FOXP1: variants seen among roughly 807,000 people sequenced by gnomAD.
FOXP1 encodes forkhead box P1.
In FOXP1, 15 loss-of-function variants were observed where a neutral mutation model predicts 98.2. That is an observed-to-expected ratio of 0.15 (90% CI 0.10 to 0.24). FOXP1 has a LOEUF of 0.24. Ranked by LOEUF, FOXP1 falls within the 10% of genes least tolerant of loss-of-function variation. FOXP1 has a pLI of 1.00. For missense variants in FOXP1, 633 were observed against 848.5 expected (o/e 0.75, Z 3.15); for synonymous variants, 371 against 314.5 (o/e 1.18, Z -1.90).
At chr3:71,018,719 A>G (rs149161367) in intron 11 of FOXP1, among the ~76,000 whole-genome samples, 166 of 152,346 alleles carry the variant, frequency 1.1e-3, no homozygotes, top group African/African-American at 3.9e-3. Context: ...TTGGAAAGAT[A>G]CCTAAGAAAC....
rs574402427 is a variant in FOXP1, at chr3:71,004,436, A to G, written c.975-3377T>C. ...CACCTACACTATATTTTCTTCCGTA[A>G]CACCAATAAAATGAAAAGAGAGTTG... On this transcript the variant is annotated intron_variant, in intron 12 of 20. Coordinates refer to ENST00000649528, the MANE Select transcript of FOXP1 (RefSeq NM_001349338.3). Among the ~76,000 whole-genome samples the G allele has an allele frequency of 7.9e-5, 12 of 152,274 alleles. No homozygotes were observed. The South Asian group carries it at 2.5e-3, about 32-fold the overall frequency.
At chr3:71,253,775 T>C (rs1315444143) in intron 5 of FOXP1, among the ~76,000 whole-genome samples, 1 of 152,078 alleles carries the variant, frequency 6.6e-6, no homozygotes, top group Non-Finnish European at 1.5e-5. Context: ...GACCACATAA[T>C]AAATACGCCA....
chr3:71,329,001 A>C (rs2076115781), intron 4 of FOXP1, among the ~76,000 whole-genome samples: 3 of 143,628 alleles, frequency 2.1e-5, no homozygotes, highest in African/African-American at 5.0e-5. Context: ...AAAAAAAAAA[A>C]AACTGACAGT....
At chr3:71,049,932 G>A (rs1181481593) in intron 9 of FOXP1, among the ~76,000 whole-genome samples, 1 of 152,028 alleles carries the variant, frequency 6.6e-6, no homozygotes, top group Non-Finnish European at 1.5e-5. Context: ...TGAATCCAAG[G>A]AGACCCATCC....
chr3:71,111,898 C>T (rs1471548512), intron 7 of FOXP1, among the ~76,000 whole-genome samples: 1 of 152,058 alleles, frequency 6.6e-6, no homozygotes, highest in African/African-American at 2.4e-5. Flanking sequence ...TCATTACAAG[C>T]CATAATGTTA....
intron 3 of FOXP1, among the ~76,000 whole-genome samples, chr3:71,437,664 C>G (rs34832380): frequency 0.027 from 4,127 of 152,244 alleles, 98 homozygotes; most frequent in Non-Finnish European, 0.045. Context: ...TCTCTCTCCA[C>G]CCAGCATAAA....
At chr3:71,184,940 C>G (rs2062557719) in intron 6 of FOXP1, among the ~76,000 whole-genome samples, 1 of 152,068 alleles carries the variant, frequency 6.6e-6, no homozygotes, top group Admixed American at 6.6e-5. Context: ...CGCCTGTAAT[C>G]CTAGCACTTT....
chr3:71,562,903 T>C (rs1364648552), intron 2 of FOXP1, among the ~76,000 whole-genome samples: 1 of 152,210 alleles, frequency 6.6e-6, no homozygotes, highest in Non-Finnish European at 1.5e-5. Context: ...CTCTATTTTA[T>C]TTGGTATTCC....
At chr3:71,362,359 G>A (rs2078630191) in intron 3 of FOXP1, among the ~76,000 whole-genome samples, 1 of 152,068 alleles carries the variant, frequency 6.6e-6, no homozygotes, top group Non-Finnish European at 1.5e-5. Flanking sequence ...TTTTAGTAGA[G>A]GCGGGGTTTT....
intron 7 of FOXP1, among the ~76,000 whole-genome samples, chr3:71,064,448 C>T (rs1311043796): frequency 6.6e-6 from 1 of 151,722 alleles, no homozygotes; most frequent in Non-Finnish European, 1.5e-5. Context: ...AAATGAATCG[C>T]AAACGAAAAA....
At chr3:71,008,862 A>G (rs997940080) in intron 12 of FOXP1, among the ~76,000 whole-genome samples, 5 of 150,534 alleles carry the variant, frequency 3.3e-5, no homozygotes, top group Non-Finnish European at 5.9e-5. Context: ...CTCAGGAGGG[A>G]AAAAAAAATA....
Position 71,058,607 on chromosome 3 carries a change from A to G in FOXP1, c.283-4834T>C, listed in dbSNP as rs201569664. Among the ~76,000 whole-genome samples, 26 of 149,590 alleles carry G rather than the reference A, an allele frequency of 1.7e-4. No individual in the cohort carries two copies. In the East Asian group the frequency reaches 4.7e-3, roughly 27 times the overall value. On this transcript the variant is annotated intron_variant, in intron 7 of 20. Coordinates refer to ENST00000649528, the MANE Select transcript of FOXP1 (RefSeq NM_001349338.3). ...GCTCCATTAAAAGAGAGAGAGGAGA[A>G]AAAAAAAAAAAAACTATGCCAAGTT...
intron 4 of FOXP1, among the ~76,000 whole-genome samples, chr3:71,327,419 C>T (rs1312270345): frequency 5.3e-5 from 1 of 18,848 alleles, no homozygotes; most frequent in African/African-American, 1.0e-4. Flanking sequence ...ACGGAGTCTC[C>T]CTCTGTCACC....
intron 3 of FOXP1, among the ~76,000 whole-genome samples, chr3:71,364,168 C>G (rs2078756805): frequency 6.6e-6 from 1 of 152,208 alleles, no homozygotes; most frequent in Non-Finnish European, 1.5e-5. Flanking sequence ...CTGCTAGTAT[C>G]TCTTACCCAA....
chr3:71,282,701 G>T (rs1282309616), intron 5 of FOXP1, among the ~76,000 whole-genome samples: 1 of 152,234 alleles, frequency 6.6e-6, no homozygotes, highest in East Asian at 1.9e-4. Context: ...ACCCAAGATG[G>T]AAACCTGAAC....
chr3:71,283,348 C>T (rs1049744608), intron 5 of FOXP1, among the ~76,000 whole-genome samples: 1 of 152,176 alleles, frequency 6.6e-6, no homozygotes, highest in South Asian at 2.1e-4. Flanking sequence ...CAGGTGCTCC[C>T]TCAAGTCCAT....
At chr3:70,993,243 A>G (rs1193940832) in intron 13 of FOXP1, among the ~76,000 whole-genome samples, 2 of 150,630 alleles carry the variant, frequency 1.3e-5, no homozygotes, top group Non-Finnish European at 1.5e-5. Flanking sequence ...GATTTGGGAG[A>G]TGTTGGAGTG....
At chr3:71,299,602 GT>G (rs2107555632) in intron 5 of FOXP1, among the ~76,000 whole-genome samples, 1 of 152,316 alleles carries the variant, frequency 6.6e-6, no homozygotes, top group East Asian at 1.9e-4. Flanking sequence ...ACAGAGAAGA[GT>G]TTGATAATAT....
intron 9 of FOXP1, among the ~76,000 whole-genome samples, chr3:71,050,312 C>T (rs1258626142): frequency 6.6e-6 from 1 of 152,186 alleles, no homozygotes; most frequent in African/African-American, 2.4e-5. Flanking sequence ...GTTCTCCCAG[C>T]ATGCAGACGT....
Sources: allele counts gnomAD v4.1 joint callset (sites outside exome capture counted in the v4.1 genomes callset), GRCh38; gene constraint gnomAD v4.1.1; transcripts MANE v1.5; gene names NCBI Gene and HGNC (gene_info 2026-07-23, HGNC 2026-07-21).